Variants in SPAG16 observed in about 807,000 individuals in gnomAD.
The protein encoded by SPAG16 is sperm-associated antigen 16 protein.
In SPAG16, 86 loss-of-function variants were observed where a neutral mutation model predicts 80.4. That is an observed-to-expected ratio of 1.07 (90% CI 0.90 to 1.28). The LOEUF (loss-of-function observed/expected upper bound fraction) is 1.28, where lower values mean the gene tolerates loss of function less well. Ranked by LOEUF, SPAG16 falls within the 50% of genes most tolerant of loss-of-function variation. The pLI is 0.00. For missense variants in SPAG16, 870 were observed against 765.3 expected (o/e 1.14, Z -1.61); for synonymous variants, 294 against 265.9 (o/e 1.11, Z -1.03).
intron 9 of SPAG16, among the ~76,000 whole-genome samples, chr2:213,486,378 C>T (rs536516431): frequency 6.6e-6 from 1 of 151,972 alleles, no homozygotes; most frequent in African/African-American, 2.4e-5. Context: ...TGGCTGCATT[C>T]TCATGTTTAT....
At chr2:214,089,751 G>A (rs1300304581) in intron 13 of SPAG16, among the ~76,000 whole-genome samples, 1 of 151,892 alleles carries the variant, frequency 6.6e-6, no homozygotes, top group African/African-American at 2.4e-5. Flanking sequence ...CATTCTCTGA[G>A]GTTCTCTAAG....
At chr2:213,371,446 G>A (rs2066633199) in intron 8 of SPAG16, among the ~76,000 whole-genome samples, 1 of 148,504 alleles carries the variant, frequency 6.7e-6, no homozygotes, top group Non-Finnish European at 1.5e-5. Context: ...TATTGGTTAA[G>A]TGGTTGTTCT....
At chr2:213,896,874 A>G (rs2077014904) in intron 11 of SPAG16, among the ~76,000 whole-genome samples, 1 of 151,956 alleles carries the variant, frequency 6.6e-6, no homozygotes, top group Non-Finnish European at 1.5e-5. Flanking sequence ...TGAATCTCAT[A>G]ATTAAAGGGA....
chr2:213,636,766 C>T (rs1398937086), intron 10 of SPAG16, among the ~76,000 whole-genome samples: 4 of 151,986 alleles, frequency 2.6e-5, no homozygotes, highest in East Asian at 3.9e-4. Flanking sequence ...GGTCACTGTT[C>T]GTGTATAACA....
intron 15 of SPAG16, among the ~76,000 whole-genome samples, chr2:214,277,483 T>C (rs1692559824): frequency 6.6e-6 from 1 of 152,206 alleles, no homozygotes; most frequent in Non-Finnish European, 1.5e-5. Context: ...GTGGATGTCC[T>C]TTTTCTTGAT....
At chr2:213,332,018 A>G (rs1205913166) in intron 5 of SPAG16, among the ~76,000 whole-genome samples, 1 of 152,182 alleles carries the variant, frequency 6.6e-6, no homozygotes, top group African/African-American at 2.4e-5. Context: ...CAAGATTAGT[A>G]TAAAAAATAA....
At chr2:213,988,610 A>G (rs2046132331) in intron 12 of SPAG16, among the ~76,000 whole-genome samples, 2 of 152,080 alleles carry the variant, frequency 1.3e-5, no homozygotes, top group Non-Finnish European at 2.9e-5. Flanking sequence ...CAAAGTCAAC[A>G]CACAGAAATC....
intron 15 of SPAG16, among the ~76,000 whole-genome samples, chr2:214,286,385 AATTT>A (rs1157887352): frequency 5.3e-5 from 8 of 152,204 alleles, no homozygotes; most frequent in African/African-American, 1.9e-4. Flanking sequence ...ATGCTTATGT[AATTT>A]ATTTCTCCAA....
intron 15 of SPAG16, among the ~76,000 whole-genome samples, chr2:214,176,129 T>C (rs1051811559): frequency 1.3e-5 from 2 of 151,412 alleles, no homozygotes; most frequent in African/African-American, 4.8e-5. Flanking sequence ...TAAATACAGG[T>C]TTATTAAAGG....
chr2:213,922,057 G>C (rs987279014), intron 11 of SPAG16, among the ~76,000 whole-genome samples: 3 of 152,110 alleles, frequency 2.0e-5, no homozygotes, highest in African/African-American at 7.2e-5. Flanking sequence ...TCATGGATTT[G>C]AATGTTGGTC....
Position 213,297,292 on chromosome 2 carries a change from G to A in SPAG16, c.214G>A (p.Gly72Ser), listed in dbSNP as rs777795597. ...AGATGACAATTTTAGCATCCCAGAA[G>A]GTGAAGAAGATCTGGCAAAAGCAAT... ...IPDDNFSIPE[G>S]EEDLAKAIQM... The change falls in exon 3 of 16, where the codon GGT (glycine) becomes AGT (serine). Residue 72 changes from glycine (G) to serine (S), a missense_variant. Coordinates refer to ENST00000331683, the MANE Select transcript of SPAG16 (RefSeq NM_024532.5). 56 of 1,612,490 alleles carry A rather than the reference G, an allele frequency of 3.5e-5. No individual in the cohort carries two copies. The Admixed American group carries it at 8.5e-4, about 25-fold the overall frequency.
chr2:214,255,583 C>T lies in SPAG16; in HGVS notation c.1720+106317C>T, dbSNP rs1365532393. Among the ~76,000 whole-genome samples the T allele has an allele frequency of 5.9e-5, 9 of 151,864 alleles. No individual in the cohort carries two copies. The Admixed American group carries it at 5.9e-4, about 10-fold the overall frequency. ...ATTAGAGTTTAATATTTCCATGAGG[C>T]AGTGCAACTCAAATCTCTACCAGAT... On this transcript the variant is annotated intron_variant, in intron 15 of 15. Transcript: ENST00000331683.
chr2:214,371,839 C>T (rs1199663199), intron 15 of SPAG16, among the ~76,000 whole-genome samples: 6 of 151,564 alleles, frequency 4.0e-5, no homozygotes, highest in Admixed American at 3.9e-4. Context: ...TGCCACCACA[C>T]CTGGCTAATT....
At chr2:213,871,576 C>G (rs2075946563) in intron 11 of SPAG16, among the ~76,000 whole-genome samples, 1 of 151,912 alleles carries the variant, frequency 6.6e-6, no homozygotes, top group African/African-American at 2.4e-5. Flanking sequence ...TGAGAAGGGT[C>G]TAATCTCTTG....
intron 10 of SPAG16, among the ~76,000 whole-genome samples, chr2:213,749,759 C>A (rs2067999265): frequency 6.6e-6 from 1 of 152,156 alleles, no homozygotes; most frequent in South Asian, 2.1e-4. Flanking sequence ...TGTTCTCCTT[C>A]TTTCCTTTTT....
chr2:213,878,214 T>C (rs2076209324), intron 11 of SPAG16, among the ~76,000 whole-genome samples: 1 of 152,028 alleles, frequency 6.6e-6, no homozygotes, highest in Non-Finnish European at 1.5e-5. Flanking sequence ...GATTGCCGGA[T>C]TGAATGGCAG....
At chr2:214,013,845 C>G (rs2047442336) in intron 12 of SPAG16, 106 bp from the exon 13 acceptor site, 5 of 1,184,902 alleles carry the variant, frequency 4.2e-6, no homozygotes, top group Non-Finnish European at 2.3e-6. Flanking sequence ...AAATTTTTGC[C>G]ATTAATAAAA....
chr2:214,343,699 C>T (rs1380855656), intron 15 of SPAG16, among the ~76,000 whole-genome samples: 1 of 152,030 alleles, frequency 6.6e-6, no homozygotes, highest in Non-Finnish European at 1.5e-5. Context: ...AAAGCTATTT[C>T]CATTTAGTTA....
In SPAG16 at chr2:213,385,964, A is replaced by T. The variant is rs530287917; in HGVS notation, c.942+10845A>T. 1.9e-4 allele frequency among the ~76,000 whole-genome samples: 29 copies of T among 152,262 alleles called. 1 individual carries two copies. Among genetic ancestry groups the T allele is most frequent in the Admixed American group, 1.3e-3 (20 of 15,274 alleles). On this transcript the variant is annotated intron_variant, in intron 9 of 15. Transcript: ENST00000331683. ...TATCTTTAAATTTTTATATTATTAT[A>T]CTATAACTTTATAACAATATTTGGA... is the stretch of plus-strand genomic sequence containing the variant.
Sources: gnomAD v4.1 joint callset for allele counts (sites outside exome capture counted in the v4.1 genomes callset) on GRCh38, gnomAD v4.1.1 for gene constraint, MANE v1.5 for transcripts, NCBI Gene and HGNC (gene_info 2026-07-23, HGNC 2026-07-21) for gene names.